The following TAOK1 variants were observed in gnomAD, a reference collection of about 807,000 sequenced individuals.
TAOK1 encodes the protein TAO kinase 1.
Under a neutral mutation model 138.3 loss-of-function variants are expected in TAOK1, and 21 were observed. The observed-to-expected ratio is 0.15, with a 90% CI of 0.11 to 0.22. The LOEUF is 0.22. Among genes scored for constraint, TAOK1 ranks in the 10% least tolerant of loss-of-function variants. The pLI is 1.00. For synonymous variants in TAOK1, 361 were observed against 398.4 expected, an observed-to-expected ratio of 0.91 and a Z score of 1.12; for missense variants, 651 against 1,227.7, an observed-to-expected ratio of 0.53 and a Z score of 7.02.
chr17:29,544,930 C>G lies in TAOK1; in HGVS notation c.*1908C>G, dbSNP rs959401161. The G allele has an allele frequency of 6.6e-6, 1 of 152,204 alleles. No individual in the cohort carries two copies. The highest frequency in any genetic ancestry group is 1.5e-5 in the Non-Finnish European group (1 of 68,042). The allele number at this position is 152,204 out of a possible 1,614,324, so 9.4% of individuals were successfully genotyped here. A position where few individuals can be genotyped will look rare whatever the true frequency, so the allele number is the denominator to read the frequency against. Reference sequence around the variant, plus strand: ...CTGTTGAAGTCCTGGTTTTCTCAACCAAATTTTAAGTCTTTCCCAGGTATG... The same window carrying G: ...CTGTTGAAGTCCTGGTTTTCTCAACGAAATTTTAAGTCTTTCCCAGGTATG... On this transcript the variant is annotated 3_prime_UTR_variant, in exon 20 of 20. Coordinates refer to ENST00000261716, the MANE Select transcript of TAOK1 (RefSeq NM_020791.4).
At chr17:29,492,837 T>G (rs1257441198) in intron 10 of TAOK1, among the ~76,000 whole-genome samples, 1 of 150,844 alleles carries the variant, frequency 6.6e-6, no homozygotes, top group Non-Finnish European at 1.5e-5. Flanking sequence ...TGTTTTTGGA[T>G]GAAACAATAT....
intron 13 of TAOK1, among the ~76,000 whole-genome samples, 161 bp downstream of exon 13, chr17:29,502,884 A>G (rs1431260967): frequency 6.6e-6 from 1 of 152,204 alleles, no homozygotes; most frequent in Non-Finnish European, 1.5e-5. Flanking sequence ...TATTCAAAGA[A>G]CTCTGAGAAA....
intron 1 of TAOK1, among the ~76,000 whole-genome samples, chr17:29,431,419 G>A (rs1387292153): frequency 6.6e-6 from 1 of 151,832 alleles, no homozygotes; most frequent in East Asian, 1.9e-4. Flanking sequence ...TCCAACCCGG[G>A]CAACGGAGCG....
chr17:29,437,097 A>G (rs1485076720), intron 1 of TAOK1, among the ~76,000 whole-genome samples: 1 of 152,082 alleles, frequency 6.6e-6, no homozygotes, highest in Non-Finnish European at 1.5e-5. Context: ...GGAATCTGGC[A>G]CTGTTGCCCG....
chr17:29,412,245 G>A (rs1269906097), intron 1 of TAOK1, among the ~76,000 whole-genome samples: 1 of 152,154 alleles, frequency 6.6e-6, no homozygotes, highest in African/African-American at 2.4e-5. Flanking sequence ...GTTTCACCAT[G>A]TTGACCAGGT....
chr17:29,460,674 G>T (rs2030510191), intron 2 of TAOK1, among the ~76,000 whole-genome samples: 1 of 152,168 alleles, frequency 6.6e-6, no homozygotes. Context: ...AAGTACAACA[G>T]AAATATTTTA....
Position 29,541,298 on chromosome 17 carries a change from T to C in TAOK1, c.2545-1263T>C, listed in dbSNP as rs1022636780. On this transcript the variant is annotated intron_variant, in intron 19 of 19. Transcript: ENST00000261716. ...CTAATTTTTGTATTTTTAGTAGAGA[T>C]GGGGTTTCACCATGTTGGCCAGGCT... Among the ~76,000 whole-genome samples the C allele has an allele frequency of 7.7e-5, 11 of 143,442 alleles. No homozygotes were observed. In the East Asian group the frequency reaches 2.5e-3, roughly 32 times the overall value. The allele number at this position is 143,442 out of a possible 152,430, so 94.1% of individuals were successfully genotyped here.
intron 15 of TAOK1, chr17:29,511,409 A>AT (rs533270237): frequency 4.0e-5 from 6 of 151,632 alleles, no homozygotes; most frequent in South Asian, 4.2e-4. Context: ...AACATTTGGT[A>AT]TTTTTTTTAG....
intron 18 of TAOK1, among the ~76,000 whole-genome samples, chr17:29,531,812 C>G (rs1171014786): frequency 6.7e-6 from 1 of 150,372 alleles, no homozygotes; most frequent in Non-Finnish European, 1.5e-5. Context: ...GGAGGCAAAA[C>G]TAAGGCTATT....
At chr17:29,522,574 G>A in intron 17 of TAOK1, 55 bp downstream of exon 17, 1 of 1,597,982 alleles carries the variant, frequency 6.3e-7, no homozygotes, top group Non-Finnish European at 8.5e-7. Context: ...AGGTATCCAT[G>A]TAAGCAGGAA....
intron 6 of TAOK1, 59 bp downstream of exon 6, chr17:29,478,406 T>C: frequency 2.6e-6 from 3 of 1,168,556 alleles, no homozygotes; most frequent in Non-Finnish European, 3.6e-6. Context: ...ATACCAACTT[T>C]AGAATTTATT....
chr17:29,486,037 G>A (rs1292527658), intron 8 of TAOK1, among the ~76,000 whole-genome samples: 1 of 152,182 alleles, frequency 6.6e-6, no homozygotes, highest in African/African-American at 2.4e-5. Context: ...TCTAATTGCA[G>A]CACTTTAGTA....
intron 1 of TAOK1, among the ~76,000 whole-genome samples, chr17:29,409,856 G>A (rs1382837209): frequency 6.6e-6 from 1 of 152,104 alleles, no homozygotes; most frequent in Non-Finnish European, 1.5e-5. Context: ...CTTATTTTAG[G>A]AGTAGGGGAT....
At chr17:29,400,390 CAAA>C (rs565898026) in intron 1 of TAOK1, among the ~76,000 whole-genome samples, 1 of 81,984 alleles carries the variant, frequency 1.2e-5, no homozygotes. Context: ...AACTCCGTCT[CAAA>C]AAAAAAAAAA....
At chr17:29,506,093 TC>T (rs2031625264) in intron 13 of TAOK1, among the ~76,000 whole-genome samples, 1 of 152,178 alleles carries the variant, frequency 6.6e-6, no homozygotes, top group African/African-American at 2.4e-5. Flanking sequence ...TACCATATGA[TC>T]CAGTAATTCC....
chr17:29,425,238 T>G (rs1202754773), intron 1 of TAOK1, among the ~76,000 whole-genome samples: 1 of 152,156 alleles, frequency 6.6e-6, no homozygotes, highest in African/African-American at 2.4e-5. Context: ...CCCGGCTAAT[T>G]TTTTTCTTAT....
intron 16 of TAOK1, among the ~76,000 whole-genome samples, chr17:29,521,821 A>G (rs1276203927): frequency 6.6e-6 from 1 of 152,184 alleles, no homozygotes; most frequent in East Asian, 1.9e-4. Context: ...TGACCTCGTG[A>G]TCCACCCGCC....
At chr17:29,416,544 T>C (rs1200441754) in intron 1 of TAOK1, among the ~76,000 whole-genome samples, 1 of 151,780 alleles carries the variant, frequency 6.6e-6, no homozygotes, top group Non-Finnish European at 1.5e-5. Context: ...TATTACATTA[T>C]TTAATTAAAT....
At chr17:29,454,280 T>C (rs891701278) in intron 2 of TAOK1, among the ~76,000 whole-genome samples, 3 of 152,212 alleles carry the variant, frequency 2.0e-5, no homozygotes, top group African/African-American at 7.2e-5. Context: ...TATCTGTATG[T>C]CTATCTTTAT....
Sources: allele counts gnomAD v4.1 joint callset (sites outside exome capture counted in the v4.1 genomes callset), GRCh38; gene constraint gnomAD v4.1.1; transcripts MANE v1.5; gene names NCBI Gene and HGNC (gene_info 2026-07-23, HGNC 2026-07-21).